Variants in TGM2 observed in about 807,000 individuals in gnomAD.
The protein encoded by TGM2 is transglutaminase 2, also known as protein-glutamine gamma-glutamyltransferase 2.
A neutral mutation model predicts 75.6 loss-of-function variants in TGM2; 53 were observed. The ratio of observed to expected loss-of-function variants is 0.70; its 90% CI spans 0.56 to 0.88. The LOEUF (loss-of-function observed/expected upper bound fraction) is 0.88, where lower values mean the gene tolerates loss of function less well. TGM2 is among the 40% of genes least tolerant of loss of function. The pLI is 0.00. For synonymous variants in TGM2, 374 were observed against 381.1 expected, an observed-to-expected ratio of 0.98 and a Z score of 0.22; for missense variants, 842 against 928.5, an observed-to-expected ratio of 0.91 and a Z score of 1.21.
At chr20:38,157,005 G>A (rs1010314409) in intron 2 of TGM2, among the ~76,000 whole-genome samples, 4 of 152,196 alleles carry the variant, frequency 2.6e-5, no homozygotes, top group African/African-American at 7.2e-5. Flanking sequence ...GGGAGGGCCC[G>A]CCCCCACAGG....
At position 38,138,192 on chromosome 20, in the gene TGM2, G is replaced by A; in HGVS notation, c.1536C>T (p.Arg512=). 2 of 1,609,112 alleles carry A rather than the reference G, an allele frequency of 1.2e-6. No individual in the cohort carries two copies. Among genetic ancestry groups the A allele is most frequent in the Non-Finnish European group, 1.7e-6 (2 of 1,177,792 alleles). Residue 512 remains arginine, a synonymous_variant, in exon 10 of 13, where the codon CGC becomes CGT. Coordinates refer to ENST00000361475, the MANE Select transcript of TGM2 (RefSeq NM_004613.4). ...EYVCRLLLCA[R]TVSYNGILGP... ...CCAAGATCCCATTGTAGCTGACGGT[G>A]CGGGCACAGAGCAGGAGGCGGCAGA...
chr20:38,148,123 G>C (rs773264237), intron 4 of TGM2, 34 bp from the exon 5 acceptor site: 1 of 1,613,422 alleles, frequency 6.2e-7, no homozygotes, highest in Non-Finnish European at 8.5e-7. Flanking sequence ...GAAAGAGGGA[G>C]CTGGGAAGGC....
At chr20:38,142,221 C>A (rs775724011) in intron 6 of TGM2, 22 bp from the exon 7 acceptor site, 2 of 1,613,798 alleles carry the variant, frequency 1.2e-6, no homozygotes, top group Admixed American at 1.7e-5. Flanking sequence ...GAGTGGAAAG[C>A]GGGGTGAGGT....
intron 10 of TGM2, among the ~76,000 whole-genome samples, chr20:38,137,534 C>A (rs1245572449): frequency 1.3e-5 from 2 of 152,242 alleles, no homozygotes; most frequent in Admixed American, 1.3e-4. Context: ...CGCTTAGCAG[C>A]CACGTGCAGC....
upstream of TGM2, among the ~76,000 whole-genome samples, chr20:38,165,927 G>A (rs2075306416): frequency 6.6e-6 from 1 of 151,644 alleles, no homozygotes; most frequent in African/African-American, 2.4e-5. Flanking sequence ...CCTTGACCGC[G>A]AGCCACACAC....
chr20:38,132,244 G>T (rs1600477115), intron 11 of TGM2, 96 bp downstream of exon 11: 1 of 1,413,168 alleles, frequency 7.1e-7, no homozygotes, highest in South Asian at 1.2e-5. Flanking sequence ...TCTGGAGCTT[G>T]CAGGGATGCA....
At chr20:38,166,404 T>C (rs897601109), upstream of TGM2, 1 of 152,182 alleles carries the variant, frequency 6.6e-6, no homozygotes, top group African/African-American at 2.4e-5. Flanking sequence ...AAGACTAACT[T>C]TCCAGGGACT....
chr20:38,139,306 G>A (rs1452706914), intron 9 of TGM2, 106 bp downstream of exon 9: 9 of 1,549,434 alleles, frequency 5.8e-6, no homozygotes, highest in South Asian at 3.4e-5. Flanking sequence ...ATTGCTGTAC[G>A]TAGGCTACCA....
chr20:38,151,157 C>G, intron 3 of TGM2, 100 bp from the exon 4 acceptor site: 1 of 824,160 alleles, frequency 1.2e-6, no homozygotes. Flanking sequence ...GCCAAGCCAG[C>G]GTCTCAGGGA....
intron 2 of TGM2, among the ~76,000 whole-genome samples, chr20:38,159,846 C>A (rs143126367): frequency 6.6e-6 from 1 of 152,242 alleles, no homozygotes; most frequent in African/African-American, 2.4e-5. Flanking sequence ...GACAAGCATG[C>A]GTTCAGTGGG....
At chr20:38,167,021 G>A (rs938479768), upstream of TGM2, among the ~76,000 whole-genome samples, 2 of 152,096 alleles carry the variant, frequency 1.3e-5, no homozygotes, top group African/African-American at 4.8e-5. Context: ...TGCAAAATGG[G>A]GGAAAGAATC....
Position 38,142,152 on chromosome 20 carries a change from A to T in TGM2, c.907T>A (p.Ser303Thr). ...AGGTTGCTGTTCTGGTCATGGGCCG[A>T]GTTGTAGTTGGTCACGACGCGGGTA... Reference protein sequence around the residue: ...IPTRVVTNYNSAHDQNSNLLI... With the variant: ...IPTRVVTNYNTAHDQNSNLLI... The change falls in exon 7 of 13, where the codon TCG (serine) becomes ACG (threonine). Residue 303 changes from serine to threonine, a missense_variant. By Grantham distance (58) the Ser-to-Thr change is moderately conservative. Coordinates refer to ENST00000361475, the MANE Select transcript of TGM2 (RefSeq NM_004613.4). 1 of 1,614,078 alleles carries T rather than the reference A, an allele frequency of 6.2e-7. No homozygotes were observed. The highest frequency in any genetic ancestry group is 8.5e-7 in the Non-Finnish European group (1 of 1,180,022).
chr20:38,155,820 G>T, intron 3 of TGM2, 27 bp downstream of exon 3: 1 of 1,587,320 alleles, frequency 6.3e-7, no homozygotes, highest in East Asian at 2.3e-5. Context: ...CCACCCCAAC[G>T]CTGTGAGTGG....
chr20:38,144,370 C>A (rs975976053), intron 6 of TGM2, among the ~76,000 whole-genome samples: 4 of 152,190 alleles, frequency 2.6e-5, no homozygotes, highest in Non-Finnish European at 4.4e-5. Flanking sequence ...ACAGCCTTGT[C>A]TGCCCATTCC....
In TGM2 at chr20:38,128,392, G is replaced by A. The variant is rs1028846304; in HGVS notation, c.*1827C>T. The A allele has an allele frequency of 2.0e-5, 3 of 152,228 alleles. No homozygotes were observed. The highest frequency in any genetic ancestry group is 4.4e-5 in the Non-Finnish European group (3 of 68,068). The allele number at this position is 152,228 out of a possible 1,614,324, so 9.4% of individuals were successfully genotyped here. ...GGAAAGACTCCTAGGCAGGAAGTGGGGGTCCAGGTGTGAGCGAGCTCACCT... is the reference window on the plus strand; with the variant it reads ...GGAAAGACTCCTAGGCAGGAAGTGGAGGTCCAGGTGTGAGCGAGCTCACCT... On this transcript the variant is annotated 3_prime_UTR_variant, in exon 13 of 13. Coordinates refer to ENST00000361475, the MANE Select transcript of TGM2 (RefSeq NM_004613.4).
chr20:38,156,145 G>T, intron 2 of TGM2, 56 bp from the exon 3 acceptor site: 1 of 1,584,588 alleles, frequency 6.3e-7, no homozygotes, highest in Non-Finnish European at 8.6e-7. Flanking sequence ...GGCAGGGCAG[G>T]GCACCTACGT....
At chr20:38,132,744 C>T in intron 10 of TGM2, 1 of 623,816 alleles carries the variant, frequency 1.6e-6, no homozygotes, top group South Asian at 1.5e-5. Flanking sequence ...TCTAATCCTG[C>T]CTTTGCCTCT....
chr20:38,143,980 C>G (rs1224595346), intron 6 of TGM2, among the ~76,000 whole-genome samples: 1 of 152,164 alleles, frequency 6.6e-6, no homozygotes, highest in Non-Finnish European at 1.5e-5. Flanking sequence ...GGTTTCTGTC[C>G]CCCTGAGGCC....
chr20:38,151,381 C>A (rs1041270277), intron 3 of TGM2, among the ~76,000 whole-genome samples: 2 of 152,036 alleles, frequency 1.3e-5, no homozygotes, highest in African/African-American at 4.8e-5. Context: ...TTTTAAAGAC[C>A]AGAAAACTAA....
Sources: gnomAD v4.1 joint callset for allele counts (sites outside exome capture counted in the v4.1 genomes callset) on GRCh38, gnomAD v4.1.1 for gene constraint, MANE v1.5 for transcripts, NCBI Gene and HGNC (gene_info 2026-07-23, HGNC 2026-07-21) for gene names.